Variants in FAM53A observed in about 807,000 individuals in gnomAD.
FAM53A encodes the protein protein FAM53A.
Under a neutral mutation model 26.6 loss-of-function variants are expected in FAM53A, and 28 were observed. The observed-to-expected ratio is 1.05, with a 90% CI of 0.78 to 1.45. The LOEUF (loss-of-function observed/expected upper bound fraction) is 1.45, where lower values mean the gene tolerates loss of function less well. Ranked by LOEUF, FAM53A falls within the 40% of genes most tolerant of loss-of-function variation. The probability of loss-of-function intolerance (pLI) is 0.00; values close to 1 mark genes in which losing one functional copy is unlikely to be tolerated. For missense variants in FAM53A, 650 were observed against 575.8 expected (o/e 1.13, Z -1.32); for synonymous variants, 290 against 253.1 (o/e 1.15, Z -1.38).
At chr4:1,647,373 T>C (rs1333310187) in intron 4 of FAM53A, among the ~76,000 whole-genome samples, 1 of 151,710 alleles carries the variant, frequency 6.6e-6, no homozygotes, top group Admixed American at 6.6e-5. Flanking sequence ...CTAAATGTTT[T>C]CCTAGGAAAA....
chr4:1,685,465 C>G (rs570607935), upstream of FAM53A, among the ~76,000 whole-genome samples: 1 of 152,120 alleles, frequency 6.6e-6, no homozygotes, highest in African/African-American at 2.4e-5. Flanking sequence ...TGGAGGCCGG[C>G]TGGTTCCGGG....
chr4:1,618,284 G>A (rs1282078698), intron 1 of FAM53A, among the ~76,000 whole-genome samples: 1 of 152,140 alleles, frequency 6.6e-6, no homozygotes, highest in Non-Finnish European at 1.5e-5. Context: ...CAGTGGGGAT[G>A]GCATGGGAAA....
the FAM53A span, among the ~76,000 whole-genome samples, chr4:1,576,206 G>A: frequency 2.0e-5 from 3 of 152,188 alleles, no homozygotes; most frequent in South Asian, 4.1e-4. Flanking sequence ...TTAATCTCGC[G>A]CCTATCTATC....
intron 3 of FAM53A, 91 bp downstream of exon 3, chr4:1,657,317 C>T (rs1054548810): frequency 1.3e-4 from 157 of 1,191,766 alleles, no homozygotes; most frequent in Admixed American, 4.5e-4. Flanking sequence ...TCTGCAGATC[C>T]GGCTCATGTT....
chr4:1,600,091 G>C, the FAM53A span, among the ~76,000 whole-genome samples: 6,787 of 152,256 alleles, frequency 0.045, 496 homozygotes, highest in African/African-American at 0.15. Context: ...CACTGAGCAA[G>C]TCCTCCCCTC....
intron 1 of FAM53A, chr4:1,683,574 A>AT (rs1295260530): frequency 6.6e-6 from 1 of 152,214 alleles, no homozygotes; most frequent in African/African-American, 2.4e-5. Flanking sequence ...GTACTGGGAG[A>AT]TAGATGATCA....
At chr4:1,633,119 T>C (rs927495106) in intron 1 of FAM53A, among the ~76,000 whole-genome samples, 4 of 151,332 alleles carry the variant, frequency 2.6e-5, no homozygotes, top group Admixed American at 1.3e-4. Context: ...CTCACAAACA[T>C]AGGTACTCAT....
intron 1 of FAM53A, among the ~76,000 whole-genome samples, chr4:1,671,884 C>T (rs1328811344): frequency 6.6e-6 from 1 of 152,236 alleles, no homozygotes; most frequent in Non-Finnish European, 1.5e-5. Context: ...AAAAACAGGC[C>T]TCACAGTCTG....
chr4:1,668,482 A>G (rs1348016480), intron 2 of FAM53A, among the ~76,000 whole-genome samples, 185 bp downstream of exon 2: 1 of 152,060 alleles, frequency 6.6e-6, no homozygotes, highest in African/African-American at 2.4e-5. Flanking sequence ...GATGGTGAAA[A>G]TCCGCTGTGA....
the FAM53A span, among the ~76,000 whole-genome samples, chr4:1,605,771 C>G: frequency 0.86 from 130,273 of 152,076 alleles, 56,109 homozygotes; most frequent in African/African-American, 0.94. The surrounding 1 kb of genome is among the most constrained non-coding windows in gnomAD (Gnocchi z 5.7). Flanking sequence ...AACCCTGGGG[C>G]GGGCACAGCT....
At position 1,671,173 on chromosome 4, in the gene FAM53A, A is replaced by C. The variant is rs77525494; in HGVS notation, c.-164-2268T>G. ...TCACCTCTGTCCCAGCGTCAGAGCCACCAGCTCACAGCCACAGCCCGGACT... is the reference window on the plus strand; with the variant it reads ...TCACCTCTGTCCCAGCGTCAGAGCCCCCAGCTCACAGCCACAGCCCGGACT... On this transcript the variant is annotated intron_variant, in intron 1 of 4. Transcript: ENST00000308132. 1.1e-3 allele frequency among the ~76,000 whole-genome samples: 124 copies of C among 111,794 alleles called. 1 individual carries two copies. Among genetic ancestry groups the C allele is most frequent in the African/African-American group, 5.2e-3 (90 of 17,320 alleles). The allele number at this position is 111,794 out of a possible 152,430, so 73.3% of individuals were successfully genotyped here. A position where few individuals can be genotyped will look rare whatever the true frequency, so the allele number is the denominator to read the frequency against.
At chr4:1,581,372 C>G in the FAM53A span, among the ~76,000 whole-genome samples, 2 of 152,222 alleles carry the variant, frequency 1.3e-5, no homozygotes, top group Non-Finnish European at 2.9e-5. Flanking sequence ...ACCAGACTTT[C>G]ATCATAATGT....
chr4:1,666,903 G>A (rs1014247610), intron 2 of FAM53A, among the ~76,000 whole-genome samples: 1 of 152,210 alleles, frequency 6.6e-6, no homozygotes, highest in Non-Finnish European at 1.5e-5. Context: ...GCCGAGGCAG[G>A]CAGATCATGA....
intron 1 of FAM53A, among the ~76,000 whole-genome samples, chr4:1,628,931 GGAAC>G (rs1387056961): frequency 3.3e-5 from 5 of 151,840 alleles, no homozygotes; most frequent in African/African-American, 1.2e-4. Flanking sequence ...AGGGGGCCTT[GGAAC>G]ACCTGAGTTT....
intron 1 of FAM53A, among the ~76,000 whole-genome samples, chr4:1,671,687 C>T (rs1714672168): frequency 6.6e-6 from 1 of 152,254 alleles, no homozygotes; most frequent in Admixed American, 6.5e-5. Context: ...GACAAGCCAG[C>T]CTCCCTCCCT....
At chr4:1,652,102 ACAC>A (rs1232048636) in intron 4 of FAM53A, among the ~76,000 whole-genome samples, 6 of 101,824 alleles carry the variant, frequency 5.9e-5, no homozygotes, top group Non-Finnish European at 1.3e-4. Context: ...CATACCATAC[ACAC>A]CAGACACACA....
chr4:1,657,724 G>A (rs928613260), intron 2 of FAM53A, among the ~76,000 whole-genome samples: 3 of 152,042 alleles, frequency 2.0e-5, no homozygotes, highest in African/African-American at 4.8e-5. Context: ...TGCAAGCTCC[G>A]CCTCTCGGGT....
At chr4:1,599,237 A>G in the FAM53A span, among the ~76,000 whole-genome samples, 817 of 43,736 alleles carry the variant, frequency 0.019, 11 homozygotes, top group African/African-American at 0.043. The surrounding 1 kb of genome is among the most constrained non-coding windows in gnomAD (Gnocchi z 6.1). Context: ...CAGGGCCGTC[A>G]GCTCCAACCC....
At chr4:1,660,199 C>A (rs908448696) in intron 2 of FAM53A, among the ~76,000 whole-genome samples, 1 of 152,034 alleles carries the variant, frequency 6.6e-6, no homozygotes, top group Non-Finnish European at 1.5e-5. Flanking sequence ...AGGGGAATCG[C>A]GTGAACCCGG....
Sources: allele counts gnomAD v4.1 joint callset (sites outside exome capture counted in the v4.1 genomes callset), GRCh38; gene constraint gnomAD v4.1.1; non-coding constraint Gnocchi (gnomAD v3.1); transcripts MANE v1.5; gene names NCBI Gene and HGNC (gene_info 2026-07-23, HGNC 2026-07-21).